VASH2: variants seen among roughly 807,000 people sequenced by gnomAD.
The protein encoded by VASH2 is tubulinyl-Tyr carboxypeptidase 2.
In VASH2, 28 loss-of-function variants were observed where a neutral mutation model predicts 37.2. The ratio of observed to expected loss-of-function variants is 0.75; its 90% CI spans 0.56 to 1.03. The LOEUF is 1.03. Ranked by LOEUF, VASH2 falls within the 50% of genes least tolerant of loss-of-function variation. VASH2 has a pLI of 0.00. For missense variants in VASH2, 419 were observed against 459.1 expected (o/e 0.91, Z 0.80); for synonymous variants, 188 against 174.7 (o/e 1.08, Z -0.60).
chr1:212,967,198 G>A, intron 5 of VASH2: 1 of 1,303,814 alleles, frequency 7.7e-7, no homozygotes. Context: ...AGCCTGAGAG[G>A]AATATGGTGC....
At chr1:212,956,922 A>G (rs1666514994) in intron 2 of VASH2, among the ~76,000 whole-genome samples, 1 of 152,202 alleles carries the variant, frequency 6.6e-6, no homozygotes, top group African/African-American at 2.4e-5. Flanking sequence ...ACTCTGTGGC[A>G]TTGAGTACCT....
chr1:212,966,250 C>T, intron 4 of VASH2, 21 bp from the exon 5 acceptor site: 2 of 1,549,472 alleles, frequency 1.3e-6, no homozygotes, highest in East Asian at 2.4e-5. Flanking sequence ...CTGAGATCCT[C>T]TGCTGTGCTC....
intron 7 of VASH2, among the ~76,000 whole-genome samples, chr1:212,985,188 ATTTTTTTTGCTTTTTTTTTT>A: frequency 8.1e-6 from 1 of 123,394 alleles, no homozygotes; most frequent in East Asian, 2.4e-4. Flanking sequence ...TGTCTGGCTA[ATTTTTTTTGCTTTTTTTTTT>A]TTTTTTTTTT....
chr1:212,951,535 G>T lies in VASH2; in HGVS notation c.-8G>T. The T allele has an allele frequency of 1.3e-6, 2 of 1,489,828 alleles. No individual in the cohort carries two copies. The highest frequency in any genetic ancestry group is 8.9e-7 in the Non-Finnish European group (1 of 1,119,570). 92.3% of individuals were successfully genotyped at this position (1,489,828 alleles called of 1,614,324 possible). A position where few individuals can be genotyped will look rare whatever the true frequency, so the allele number is the denominator to read the frequency against. On this transcript the variant is annotated 5_prime_UTR_variant, in exon 2 of 8. Transcript: ENST00000517399. This position sits in a 1 kb window ranked among gnomAD's most constrained non-coding sequence, Gnocchi z 4.4. ...CCCCAGTACCTCGCTCCCCGCCCAG[G>T]CCCCACCATGACCGGCTCCGCGGCC...
At chr1:212,982,529 TG>T (rs1477307182) in intron 7 of VASH2, among the ~76,000 whole-genome samples, 2 of 152,130 alleles carry the variant, frequency 1.3e-5, no homozygotes, top group Admixed American at 6.5e-5. Flanking sequence ...TAATTAGAGC[TG>T]GGGGAGCACT....
At chr1:212,955,412 A>C (rs1196713107) in intron 2 of VASH2, among the ~76,000 whole-genome samples, 1 of 152,174 alleles carries the variant, frequency 6.6e-6, no homozygotes. Context: ...GAGGTTGTTG[A>C]GTCTGAAGTT....
In VASH2 at chr1:212,965,723, T is replaced by C; in HGVS notation, c.367T>C (p.Tyr123His). ...AIQNYMKTLQ[Y>H]NHTGTQFFEI... ...TTTCCCTTTACATACTTTACACAGA[T>C]ATAATCACACAGGGACCCAGTTCTT... The change falls in exon 4 of 8, where the codon TAT (tyrosine) becomes CAT (histidine). Residue 123 changes from tyrosine (Y) to histidine (H), a missense_variant and splice_region_variant. By Grantham distance (83) the Tyr-to-His change is moderately conservative. Coordinates refer to ENST00000517399, the MANE Select transcript of VASH2 (RefSeq NM_001301056.2). 1.9e-6 allele frequency: 3 copies of C among 1,551,784 alleles called. No individual in the cohort carries two copies. Among genetic ancestry groups the C allele is most frequent in the East Asian group, 2.4e-5 (1 of 40,924 alleles).
At chr1:212,976,136 A>T (rs1385168386) in intron 7 of VASH2, among the ~76,000 whole-genome samples, 2 of 152,048 alleles carry the variant, frequency 1.3e-5, no homozygotes, top group Non-Finnish European at 2.9e-5. Flanking sequence ...GGATGATGGG[A>T]TGTGGGGTGC....
At chr1:212,967,430 G>T (rs949574238) in intron 5 of VASH2, 2 of 1,180,902 alleles carry the variant, frequency 1.7e-6, no homozygotes, top group Non-Finnish European at 2.1e-6. Context: ...ATGGATGGCT[G>T]TAAGGGACAG....
At chr1:212,952,839 T>G (rs1666364211) in intron 2 of VASH2, 1 of 152,228 alleles carries the variant, frequency 6.6e-6, no homozygotes, top group South Asian at 2.1e-4. Flanking sequence ...GCTGAGCATC[T>G]GAGCCTGCAG....
In VASH2 at chr1:212,972,820, C is replaced by T; in HGVS notation, c.738C>T (p.Val246=). 1 of 1,614,168 alleles carries T rather than the reference C, an allele frequency of 6.2e-7. No homozygotes were observed. Among genetic ancestry groups the T allele is most frequent in the Non-Finnish European group, 8.5e-7 (1 of 1,180,032 alleles). The change falls in exon 6 of 8, where the codon GTC becomes GTT. Residue 246 remains valine, a synonymous_variant. Coordinates refer to ENST00000517399, the MANE Select transcript of VASH2 (RefSeq NM_001301056.2). ...YKKYLHTVKK[V]KIGLYVPHEP... is the part of the protein sequence containing the mutation. The stretch of plus-strand genomic sequence containing the variant: ...AATACCTGCACACAGTCAAGAAGGT[C>T]AAGATTGGGCTGTACGTCCCCCATG...
At chr1:212,976,373 G>C (rs1288858363) in intron 7 of VASH2, among the ~76,000 whole-genome samples, 4 of 152,172 alleles carry the variant, frequency 2.6e-5, no homozygotes, top group Non-Finnish European at 4.4e-5. Flanking sequence ...ACAAGCCCAG[G>C]CATTTGAGAC....
rs117089615 is a variant in VASH2 at position 212,958,351 on chromosome 1, G to T, written c.277-2815G>T. Among the ~76,000 whole-genome samples the T allele has an allele frequency of 2.6e-4, 39 of 152,286 alleles. No homozygotes were observed. In the East Asian group the frequency reaches 6.6e-3, roughly 26 times the overall value. On this transcript the variant is annotated intron_variant, in intron 2 of 7. Transcript: ENST00000517399. ...GGGGAATGTATACGTTTGTCCTCCC[G>T]TTGGGCAGGAAGTGTGGCCACAGCT...
chr1:212,980,928 A>T (rs1359753327), intron 7 of VASH2, among the ~76,000 whole-genome samples: 4 of 152,208 alleles, frequency 2.6e-5, no homozygotes, highest in African/African-American at 7.2e-5. Context: ...AGGGAAATTC[A>T]TATGGCCCAG....
rs111435842 is a variant in VASH2, at chr1:212,952,097, A to G, written c.276+279A>G. Among the ~76,000 whole-genome samples the G allele has an allele frequency of 3.9e-5, 6 of 152,206 alleles. 1 individual carries two copies. Among genetic ancestry groups the G allele is most frequent in the African/African-American group, 1.4e-4 (6 of 41,528 alleles). ...TTTGAAGCTCCAGCCAAACTCTATT[A>G]TTTACTCACCCCCACATACATCCTC... is the stretch of plus-strand genomic sequence containing the variant. On this transcript the variant is annotated intron_variant, in intron 2 of 7. Coordinates refer to ENST00000517399, the MANE Select transcript of VASH2 (RefSeq NM_001301056.2).
intron 7 of VASH2, among the ~76,000 whole-genome samples, chr1:212,986,394 AGAT>A (rs1000717037): frequency 6.6e-6 from 1 of 152,196 alleles, no homozygotes; most frequent in Non-Finnish European, 1.5e-5. Flanking sequence ...CTATTTGTAA[AGAT>A]GACACCACCT....
At chr1:212,958,766 T>C (rs1666574526) in intron 2 of VASH2, among the ~76,000 whole-genome samples, 1 of 152,076 alleles carries the variant, frequency 6.6e-6, no homozygotes, top group African/African-American at 2.4e-5. Flanking sequence ...CAAGCTGGAG[T>C]GCGGTGGCCC....
In VASH2 at chr1:212,973,980, C is replaced by A. The variant is rs1354826794; in HGVS notation, c.905C>A (p.Ser302Tyr). The A allele has an allele frequency of 1.9e-6, 3 of 1,613,856 alleles. No individual in the cohort carries two copies. Among genetic ancestry groups the A allele is most frequent in the South Asian group, 2.2e-5 (2 of 91,050 alleles). ...ATCCTGAAACCTGCAAGTGCCCACT[C>A]TCCGACCCAAGTGAGAAGCCGGGGA... ...MKILKPASAH[S>Y]PTQVRSRGKS... Residue 302 changes from serine (S) to tyrosine (Y), a missense_variant, in exon 7 of 8, where the codon TCT (serine) becomes TAT (tyrosine). Around this residue, in one of 3 missense-constraint regions of VASH2, gnomAD observed 177 missense variants for 166.2 expected, o/e 1.06. Transcript: ENST00000517399.
intron 2 of VASH2, among the ~76,000 whole-genome samples, chr1:212,956,032 A>C (rs1666478429): frequency 6.6e-6 from 1 of 152,220 alleles, no homozygotes; most frequent in African/African-American, 2.4e-5. Flanking sequence ...TAGTGTTTTC[A>C]GAGTAGGGAT....
Sources: gnomAD v4.1 joint callset for allele counts (sites outside exome capture counted in the v4.1 genomes callset) on GRCh38, gnomAD v4.1.1 for gene constraint, gnomAD v4.1.1 regional missense constraint, Gnocchi (gnomAD v3.1) non-coding constraint, MANE v1.5 for transcripts, NCBI Gene and HGNC (gene_info 2026-07-23, HGNC 2026-07-21) for gene names.